Variants in PHF2 observed in about 807,000 individuals in gnomAD.
PHF2 encodes PHD finger protein 2.
Under a neutral mutation model 120.5 loss-of-function variants are expected in PHF2, and 27 were observed. The ratio of observed to expected loss-of-function variants is 0.22; its 90% CI spans 0.17 to 0.31. PHF2 has a LOEUF of 0.31. PHF2 is among the 10% of genes least tolerant of loss of function. The probability of loss-of-function intolerance (pLI) is 1.00; values close to 1 mark genes in which losing one functional copy is unlikely to be tolerated. For synonymous variants in PHF2, 568 were observed against 592.5 expected (o/e 0.96, Z 0.60); for missense variants, 1,024 against 1,434.8 (o/e 0.71, Z 4.63).
intron 1 of PHF2, among the ~76,000 whole-genome samples, chr9:93,589,723 AGAGT>A (rs768004844): frequency 1.1e-4 from 16 of 152,240 alleles, no homozygotes; most frequent in Non-Finnish European, 2.1e-4. Context: ...AATTTTAAAA[AGAGT>A]GAGAATTCGA....
chr9:93,646,649 G>A (rs1333411354), intron 4 of PHF2, among the ~76,000 whole-genome samples: 2 of 152,168 alleles, frequency 1.3e-5, no homozygotes, highest in Non-Finnish European at 2.9e-5. Flanking sequence ...GTGAAATGAA[G>A]TCACCTGTAC....
At chr9:93,612,980 C>T (rs1376295713) in intron 1 of PHF2, among the ~76,000 whole-genome samples, 2 of 152,238 alleles carry the variant, frequency 1.3e-5, no homozygotes, top group African/African-American at 4.8e-5. Flanking sequence ...AACTCCAGGG[C>T]TTCCTCACTT....
intron 1 of PHF2, among the ~76,000 whole-genome samples, chr9:93,596,905 C>A (rs181248757): frequency 1.3e-5 from 2 of 150,188 alleles, no homozygotes; most frequent in Non-Finnish European, 3.0e-5. Flanking sequence ...ACTACAGGCA[C>A]GCGCCAGCAC....
At chr9:93,638,139 G>A (rs1381728553) in intron 3 of PHF2, among the ~76,000 whole-genome samples, 1 of 139,440 alleles carries the variant, frequency 7.2e-6, no homozygotes, top group East Asian at 2.1e-4. Flanking sequence ...TTTTTTTTTT[G>A]TTATTGAGTT....
intron 1 of PHF2, among the ~76,000 whole-genome samples, chr9:93,611,154 G>A (rs1825626792): frequency 6.6e-6 from 1 of 151,908 alleles, no homozygotes; most frequent in Admixed American, 6.6e-5. Flanking sequence ...GTGGCTCAAC[G>A]CCTGTAATCC....
At chr9:93,632,407 T>A (rs1826017181) in intron 2 of PHF2, among the ~76,000 whole-genome samples, 1 of 152,188 alleles carries the variant, frequency 6.6e-6, no homozygotes. Flanking sequence ...TATGTCATAC[T>A]CTGTTCAGGC....
Position 93,653,200 on chromosome 9 carries a change from A to G in PHF2, c.624A>G (p.Pro208=), listed in dbSNP as rs56134753. The part of the protein sequence containing the change: ...SDTRMSSFVE[P]PDIVKKLSWV... ...CTAGAATGTCCAGCTTCGTGGAGCC[A>G]CCTGACATTGTAAAGAAACTGTCAT... The change falls in exon 6 of 22, where the codon CCA becomes CCG. Residue 208 remains proline, a synonymous_variant. Transcript: ENST00000359246. 4 of 1,614,022 alleles carry G rather than the reference A, an allele frequency of 2.5e-6. No individual in the cohort carries two copies. Among genetic ancestry groups the G allele is most frequent in the South Asian group, 1.1e-5 (1 of 91,094 alleles).
chr9:93,636,246 T>C (rs1826088010), intron 2 of PHF2, among the ~76,000 whole-genome samples, 165 bp from the exon 3 acceptor site: 1 of 151,946 alleles, frequency 6.6e-6, no homozygotes, highest in Admixed American at 6.6e-5. Flanking sequence ...CTCCTCCCTA[T>C]GTGCATGGCA....
chr9:93,609,152 A>G (rs1403242910), intron 1 of PHF2, among the ~76,000 whole-genome samples: 1 of 143,816 alleles, frequency 7.0e-6, no homozygotes, highest in Non-Finnish European at 1.6e-5. Context: ...TCTTTCAAAT[A>G]CTTAGCACTC....
chr9:93,598,325 T>C (rs1187600437), intron 1 of PHF2, among the ~76,000 whole-genome samples: 1 of 152,228 alleles, frequency 6.6e-6, no homozygotes, highest in Non-Finnish European at 1.5e-5. Context: ...AGGGCCGTGC[T>C]GCGGGAACCC....
chr9:93,615,177 A>ATGGTG (rs1825706632), intron 1 of PHF2, among the ~76,000 whole-genome samples: 1 of 53,376 alleles, frequency 1.9e-5, no homozygotes, highest in African/African-American at 5.7e-5. Flanking sequence ...TGGTGATAGT[A>ATGGTG]ATGGTGATGG....
At chr9:93,649,282 C>A in intron 5 of PHF2, 70 bp downstream of exon 5, 2 of 1,346,556 alleles carry the variant, frequency 1.5e-6, no homozygotes, top group South Asian at 1.3e-5. Context: ...CCTTGGTAGT[C>A]GCCTGAGAAG....
At chr9:93,601,791 G>T (rs1364968755) in intron 1 of PHF2, among the ~76,000 whole-genome samples, 1 of 152,120 alleles carries the variant, frequency 6.6e-6, no homozygotes, top group Non-Finnish European at 1.5e-5. Flanking sequence ...TAATTTCCTG[G>T]AGCTCCACGG....
chr9:93,586,354 G>A (rs1328776690), intron 1 of PHF2, among the ~76,000 whole-genome samples: 27 of 152,266 alleles, frequency 1.8e-4, no homozygotes, highest in Non-Finnish European at 2.9e-5. Context: ...GCAGAGGTGT[G>A]CAGAAGCAGC....
intron 1 of PHF2, among the ~76,000 whole-genome samples, chr9:93,606,253 G>A (rs1325213730): frequency 6.6e-6 from 1 of 152,098 alleles, no homozygotes; most frequent in Non-Finnish European, 1.5e-5. Flanking sequence ...TACAGGCTGG[G>A]CGCCACCATG....
chr9:93,631,852 C>T (rs181255307), intron 2 of PHF2, among the ~76,000 whole-genome samples: 4 of 152,116 alleles, frequency 2.6e-5, no homozygotes, highest in East Asian at 1.9e-4. Context: ...GGGAGGTACA[C>T]GTGTGCATCA....
intron 17 of PHF2, among the ~76,000 whole-genome samples, chr9:93,667,629 A>G (rs929398968): frequency 2.9e-4 from 44 of 152,232 alleles, no homozygotes; most frequent in African/African-American, 1.0e-3. Flanking sequence ...TGCAGCTGCC[A>G]TGGGGAGCAC....
chr9:93,587,821 C>T (rs757534297), intron 1 of PHF2, among the ~76,000 whole-genome samples: 14 of 152,274 alleles, frequency 9.2e-5, no homozygotes, highest in East Asian at 1.9e-4. Flanking sequence ...CTCTGGTCCA[C>T]CTAGTGGCCA....
Position 93,649,195 on chromosome 9 carries a change from C to G in PHF2, c.585C>G (p.Leu195=). 1 of 1,535,654 alleles carries G rather than the reference C, an allele frequency of 6.5e-7. No individual in the cohort carries two copies. The highest frequency in any genetic ancestry group is 2.5e-5 in the East Asian group (1 of 39,954). ...NRKRVLNVTN[L]EFSDTRMSSF... ...AGCGGGTCCTCAACGTCACCAACCT[C>G]GAGTTCTCTGACACCCGGTGAGTGC... The change falls in exon 5 of 22, where the codon CTC becomes CTG. Residue 195 remains leucine, a synonymous_variant. Coordinates refer to ENST00000359246, the MANE Select transcript of PHF2 (RefSeq NM_005392.4).
Sources: allele counts gnomAD v4.1 joint callset (sites outside exome capture counted in the v4.1 genomes callset), GRCh38; gene constraint gnomAD v4.1.1; transcripts MANE v1.5; gene names NCBI Gene and HGNC (gene_info 2026-07-23, HGNC 2026-07-21).